RABGAP1L: variants seen among roughly 807,000 people sequenced by gnomAD.
The protein encoded by RABGAP1L is rab GTPase-activating protein 1-like.
RABGAP1L carries 63 observed loss-of-function variants against 137.7 expected under a neutral mutation model. That is an observed-to-expected ratio of 0.46 (90% confidence interval 0.37 to 0.56). The LOEUF is 0.56. Ranked by LOEUF, RABGAP1L falls within the 20% of genes least tolerant of loss-of-function variation. RABGAP1L has a pLI of 0.00. For synonymous variants in RABGAP1L, 431 were observed against 433.7 expected (o/e 0.99, Z 0.08); for missense variants, 1,095 against 1,244.0 (o/e 0.88, Z 1.80).
chr1:174,791,525 G>C (rs1421199043), intron 18 of RABGAP1L, among the ~76,000 whole-genome samples: 1 of 152,208 alleles, frequency 6.6e-6, no homozygotes, highest in Non-Finnish European at 1.5e-5. Context: ...GGTCTAGCTT[G>C]AGAGGATCAG....
intron 14 of RABGAP1L, among the ~76,000 whole-genome samples, chr1:174,647,051 T>C (rs1286543071): frequency 1.3e-5 from 2 of 152,168 alleles, no homozygotes; most frequent in African/African-American, 4.8e-5. Context: ...TTTTGCACAT[T>C]GATTTTGTAT....
chr1:174,474,517 G>A (rs1235430884), intron 13 of RABGAP1L, among the ~76,000 whole-genome samples: 1 of 152,144 alleles, frequency 6.6e-6, no homozygotes, highest in South Asian at 2.1e-4. Flanking sequence ...CTGAAATAAT[G>A]TGAATTTGTC....
chr1:174,697,011 T>C (rs1679308116), intron 15 of RABGAP1L, among the ~76,000 whole-genome samples: 1 of 152,218 alleles, frequency 6.6e-6, no homozygotes, highest in African/African-American at 2.4e-5. Context: ...CAACATTCCC[T>C]AGTCTAGGAC....
intron 1 of RABGAP1L, among the ~76,000 whole-genome samples, chr1:174,176,741 A>AAATAAATAAAAT (rs1553248317): frequency 1.8e-5 from 2 of 111,778 alleles, no homozygotes; most frequent in Non-Finnish European, 3.6e-5. Flanking sequence ...AAAAAAAAAA[A>AAATAAATAAAAT]AAAAAGGTCA....
intron 19 of RABGAP1L, among the ~76,000 whole-genome samples, chr1:174,884,843 G>A (rs1247596157): frequency 6.6e-6 from 1 of 152,102 alleles, no homozygotes; most frequent in Admixed American, 6.6e-5. Context: ...TTATTTCTAT[G>A]GCAGAATATT....
At chr1:174,660,963 T>A (rs2148418955) in intron 14 of RABGAP1L, among the ~76,000 whole-genome samples, 1 of 152,328 alleles carries the variant, frequency 6.6e-6, no homozygotes, top group African/African-American at 2.4e-5. Context: ...AAATAAGCTA[T>A]ATGAGAGCAA....
chr1:174,422,110 G>T (rs1028452707), intron 13 of RABGAP1L, among the ~76,000 whole-genome samples: 9 of 152,118 alleles, frequency 5.9e-5, no homozygotes, highest in African/African-American at 2.2e-4. Context: ...GGTTTCATAG[G>T]CATGTGACCT....
chr1:174,790,908 A>C (rs549841529), intron 18 of RABGAP1L, among the ~76,000 whole-genome samples: 13 of 151,950 alleles, frequency 8.6e-5, no homozygotes, highest in African/African-American at 3.1e-4. Context: ...AAAAAAAATG[A>C]GGCTGAGCGT....
intron 13 of RABGAP1L, among the ~76,000 whole-genome samples, chr1:174,629,509 G>A (rs544425509): frequency 6.6e-6 from 1 of 152,108 alleles, no homozygotes; most frequent in Non-Finnish European, 1.5e-5. Flanking sequence ...ACATTTAAAA[G>A]TAATCCTAGG....
intron 13 of RABGAP1L, among the ~76,000 whole-genome samples, chr1:174,572,279 T>A (rs996817060): frequency 6.6e-6 from 1 of 152,190 alleles, no homozygotes. Flanking sequence ...AATGAAGTAA[T>A]GTGAAAGTTC....
At chr1:174,379,394 C>A (rs950299483) in intron 12 of RABGAP1L, among the ~76,000 whole-genome samples, 1 of 148,522 alleles carries the variant, frequency 6.7e-6, no homozygotes, top group Admixed American at 6.7e-5. Flanking sequence ...GCCATTTTCA[C>A]GATATTGATT....
intron 1 of RABGAP1L, among the ~76,000 whole-genome samples, chr1:174,173,606 A>G (rs933813116): frequency 5.9e-5 from 9 of 152,162 alleles, no homozygotes; most frequent in Non-Finnish European, 1.3e-4. Context: ...AATTTTATGT[A>G]GTAAGTTTAT....
intron 18 of RABGAP1L, among the ~76,000 whole-genome samples, chr1:174,790,130 A>C (rs766959383): frequency 6.6e-6 from 1 of 152,168 alleles, no homozygotes; most frequent in Non-Finnish European, 1.5e-5. Flanking sequence ...GGATAACTGA[A>C]ACCTGGGAAG....
chr1:174,523,498 C>A (rs1480237286), intron 13 of RABGAP1L, among the ~76,000 whole-genome samples: 1 of 152,008 alleles, frequency 6.6e-6, no homozygotes, highest in Non-Finnish European at 1.5e-5. Context: ...TTAAACATTT[C>A]TTTTATTGAT....
chr1:174,573,527 A>T (rs1370398159), intron 13 of RABGAP1L, among the ~76,000 whole-genome samples: 1 of 152,086 alleles, frequency 6.6e-6, no homozygotes, highest in Non-Finnish European at 1.5e-5. Flanking sequence ...ATTACTGCCC[A>T]CCAATTTTTA....
intron 11 of RABGAP1L, among the ~76,000 whole-genome samples, chr1:174,335,707 A>T (rs1681411158): frequency 6.6e-6 from 1 of 152,214 alleles, no homozygotes; most frequent in African/African-American, 2.4e-5. Flanking sequence ...TAACATGGAT[A>T]GTAAACTGCA....
chr1:174,219,396 T>G (rs1357928635), intron 2 of RABGAP1L, 101 bp downstream of exon 2: 5 of 794,004 alleles, frequency 6.3e-6, no homozygotes, highest in Non-Finnish European at 8.9e-6. Context: ...GTGCTGACTT[T>G]CAAAATAAAA....
At position 174,829,617 on chromosome 1, in the gene RABGAP1L, CTG is replaced by C. The variant is rs1194820403; in HGVS notation, c.2340+17661_2340+17662del. 1.3e-5 allele frequency among the ~76,000 whole-genome samples: 2 copies of C among 148,250 alleles called. 1 individual carries two copies. Among genetic ancestry groups the C allele is most frequent in the Non-Finnish European group, 3.0e-5 (2 of 66,650 alleles). Reference sequence around the variant, plus strand: ...TCTTAGTCGTGTGTGATCAAAATAACTGTGTTGAAAGAATTGAGGCTAAGATG... The same window carrying C: ...TCTTAGTCGTGTGTGATCAAAATAACTGTTGAAAGAATTGAGGCTAAGATG... On this transcript the variant is annotated intron_variant, in intron 19 of 25. Coordinates refer to ENST00000681986, the MANE Select transcript of RABGAP1L (RefSeq NM_001366446.1).
intron 19 of RABGAP1L, among the ~76,000 whole-genome samples, chr1:174,913,626 TG>T (rs1660396426): frequency 6.6e-6 from 1 of 152,218 alleles, no homozygotes; most frequent in Non-Finnish European, 1.5e-5. Context: ...TTCTCCTGGT[TG>T]GTTGCCTGCC....
Sources: allele counts gnomAD v4.1 joint callset (sites outside exome capture counted in the v4.1 genomes callset), GRCh38; gene constraint gnomAD v4.1.1; transcripts MANE v1.5; gene names NCBI Gene and HGNC (gene_info 2026-07-23, HGNC 2026-07-21).